The following IQCM variants were observed in gnomAD, a reference collection of about 807,000 sequenced individuals.
IQCM encodes IQ motif containing M.
In IQCM, 45 loss-of-function variants were observed where a neutral mutation model predicts 57.6. That is an observed-to-expected ratio of 0.78 (90% CI 0.62 to 1.00). IQCM has a LOEUF of 1.00. Among genes scored for constraint, IQCM ranks in the 50% least tolerant of loss-of-function variants. The pLI, the probability that IQCM is intolerant of heterozygous loss-of-function variation, is 0.00. For synonymous variants in IQCM, 148 were observed against 158.9 expected, an observed-to-expected ratio of 0.93 and a Z score of 0.51; for missense variants, 468 against 511.6, an observed-to-expected ratio of 0.91 and a Z score of 0.82.
chr4:149,384,946 C>A (rs1213471576), intron 13 of IQCM, among the ~76,000 whole-genome samples: 1 of 151,880 alleles, frequency 6.6e-6, no homozygotes, highest in African/African-American at 2.4e-5. Context: ...GATTTAGCTT[C>A]TTTACTTTAA....
Position 149,697,421 on chromosome 4 carries a change from TA to T in IQCM, c.386-10954del, listed in dbSNP as rs561140913. On this transcript the variant is annotated intron_variant, in intron 5 of 13. Coordinates refer to ENST00000636793, the MANE Select transcript of IQCM (RefSeq NM_001363507.2). ...TAAAAAAATAAAGTCATTTCAGAGT[TA>T]AAAAAAAAGAGTTGATTGTTAATTA... Among the ~76,000 whole-genome samples, 384 of 151,162 alleles carry T rather than the reference TA, an allele frequency of 2.5e-3. 4 individuals carry two copies. Among genetic ancestry groups the T allele is most frequent in the Non-Finnish European group, 1.1e-3 (72 of 67,672 alleles).
At chr4:149,381,661 A>C (rs1731085523) in intron 13 of IQCM, among the ~76,000 whole-genome samples, 1 of 152,096 alleles carries the variant, frequency 6.6e-6, no homozygotes, top group Admixed American at 6.6e-5. Context: ...CATTGCATTT[A>C]AACTAAAGTA....
chr4:149,442,528 T>C (rs1736047765), intron 12 of IQCM, among the ~76,000 whole-genome samples: 1 of 152,114 alleles, frequency 6.6e-6, no homozygotes, highest in East Asian at 1.9e-4. Flanking sequence ...CCTATGTAAC[T>C]GCAGGACATT....
Position 149,621,311 on chromosome 4 carries a change from C to T in IQCM, c.566-67G>A, listed in dbSNP as rs560579931. 91 of 651,822 alleles carry T rather than the reference C, an allele frequency of 1.4e-4. No homozygotes were observed. The African/African-American group carries it at 1.6e-3, about 12-fold the overall frequency. 40.4% of individuals were successfully genotyped at this position (651,822 alleles called of 1,614,324 possible). ...GGAAAAGTACACACTGATTATATTG[C>T]TTAATGTTGCAAAGAGTAAAGCAAA... On this transcript the variant is annotated intron_variant, in intron 7 of 13. Transcript: ENST00000636793.
At chr4:149,811,051 C>T (rs191007371) in intron 2 of IQCM, among the ~76,000 whole-genome samples, 78 of 152,210 alleles carry the variant, frequency 5.1e-4, no homozygotes, top group Non-Finnish European at 9.7e-4. Context: ...AGATACTGTT[C>T]TATAAGAAGA....
chr4:149,642,794 CACAA>C (rs1281308694), intron 7 of IQCM, among the ~76,000 whole-genome samples: 2 of 152,122 alleles, frequency 1.3e-5, no homozygotes, highest in Non-Finnish European at 2.9e-5. Context: ...TATTTAGGGA[CACAA>C]ACAAGTCTAC....
chr4:149,544,958 G>A (rs1748236265), intron 12 of IQCM, among the ~76,000 whole-genome samples: 1 of 152,024 alleles, frequency 6.6e-6, no homozygotes, highest in African/African-American at 2.4e-5. Flanking sequence ...GAAAACAGGG[G>A]AAAAACACTG....
At chr4:149,518,615 G>A (rs1307651152) in intron 12 of IQCM, among the ~76,000 whole-genome samples, 1 of 152,162 alleles carries the variant, frequency 6.6e-6, no homozygotes, top group Non-Finnish European at 1.5e-5. Context: ...AAGAAAGTCA[G>A]AGATATTGTG....
At chr4:149,642,361 G>C (rs969103449) in intron 7 of IQCM, among the ~76,000 whole-genome samples, 1 of 152,088 alleles carries the variant, frequency 6.6e-6, no homozygotes, top group African/African-American at 2.4e-5. Flanking sequence ...TGATAAAAAT[G>C]AGAGGTCGTA....
intron 13 of IQCM, among the ~76,000 whole-genome samples, chr4:149,371,389 G>A (rs1730359711): frequency 6.6e-6 from 1 of 152,164 alleles, no homozygotes; most frequent in Non-Finnish European, 1.5e-5. Flanking sequence ...GGCTGGCTCT[G>A]AGTGTCCTCT....
At chr4:149,471,488 C>T (rs985665938) in intron 12 of IQCM, among the ~76,000 whole-genome samples, 1 of 152,050 alleles carries the variant, frequency 6.6e-6, no homozygotes, top group African/African-American at 2.4e-5. Flanking sequence ...AGCCTAGCAA[C>T]TAAAAAAAGT....
intron 9 of IQCM, among the ~76,000 whole-genome samples, chr4:149,568,005 T>C (rs1300246559): frequency 1.3e-5 from 2 of 152,274 alleles, no homozygotes; most frequent in East Asian, 3.9e-4. Context: ...TCTACTTGCT[T>C]TGCCTACACC....
At chr4:149,579,283 A>T (rs545497664) in intron 9 of IQCM, among the ~76,000 whole-genome samples, 8 of 151,898 alleles carry the variant, frequency 5.3e-5, no homozygotes, top group African/African-American at 1.9e-4. Context: ...CATGCTTATG[A>T]GTGAGGAAGT....
rs957567749 is a variant in IQCM, at chr4:149,735,380, T to C, written c.116A>G (p.Asn39Ser). 17 of 1,225,712 alleles carry C rather than the reference T, an allele frequency of 1.4e-5. No homozygotes were observed. Among genetic ancestry groups the C allele is most frequent in the Admixed American group, 4.2e-5 (1 of 23,672 alleles). The allele number at this position is 1,225,712 out of a possible 1,614,324, so 75.9% of individuals were successfully genotyped here. A position where few individuals can be genotyped will look rare whatever the true frequency, so the allele number is the denominator to read the frequency against. Residue 39 changes from asparagine (N) to serine (S), a missense_variant, in exon 4 of 14, where the codon AAT becomes AGT. Coordinates refer to ENST00000636793, the MANE Select transcript of IQCM (RefSeq NM_001363507.2). Reference sequence around the variant, plus strand: ...AGATAAATGCAAAGGACTAACCTCATTTATTTTCTCATAATGTTGGGCAAT... The same window carrying C: ...AGATAAATGCAAAGGACTAACCTCACTTATTTTCTCATAATGTTGGGCAAT... ...TLIAQHYEKI[N>S]ENKVQGTSIN... is the part of the protein sequence containing the mutation.
Position 149,696,920 on chromosome 4 carries a change from T to C in IQCM, c.386-10452A>G, listed in dbSNP as rs1354737699. The stretch of plus-strand genomic sequence containing the variant: ...AATTTAGTGAAGCAAGAAAATATAC[T>C]CCAAACCAAGGTGGAGGAGGAAAGG... On this transcript the variant is annotated intron_variant, in intron 5 of 13. Coordinates refer to ENST00000636793, the MANE Select transcript of IQCM (RefSeq NM_001363507.2). Among the ~76,000 whole-genome samples, 4 of 152,060 alleles carry C rather than the reference T, an allele frequency of 2.6e-5. No homozygotes were observed. The East Asian group carries it at 7.7e-4, about 29-fold the overall frequency.
intron 8 of IQCM, among the ~76,000 whole-genome samples, chr4:149,617,118 G>T (rs577059471): frequency 6.6e-6 from 1 of 152,050 alleles, no homozygotes; most frequent in South Asian, 2.1e-4. Context: ...ACCACTCCTG[G>T]CTAATTTTGT....
intron 2 of IQCM, among the ~76,000 whole-genome samples, chr4:149,794,187 T>C (rs762280462): frequency 5.1e-4 from 77 of 152,226 alleles, no homozygotes; most frequent in Non-Finnish European, 8.4e-4. Flanking sequence ...AGGAGTAGAT[T>C]GTAGGGCAGT....
intron 12 of IQCM, among the ~76,000 whole-genome samples, chr4:149,471,775 G>A (rs559258066): frequency 1.3e-5 from 2 of 152,216 alleles, no homozygotes; most frequent in African/African-American, 4.8e-5. Context: ...TATCCACCAC[G>A]ATCAAGTTGG....
At chr4:149,363,571 T>C (rs1485939532) in intron 13 of IQCM, among the ~76,000 whole-genome samples, 1 of 152,152 alleles carries the variant, frequency 6.6e-6, no homozygotes, top group African/African-American at 2.4e-5. Context: ...ACATTTGCTT[T>C]CCAACCCTCA....
Sources: gnomAD v4.1 joint callset for allele counts (sites outside exome capture counted in the v4.1 genomes callset) on GRCh38, gnomAD v4.1.1 for gene constraint, MANE v1.5 for transcripts, NCBI Gene and HGNC (gene_info 2026-07-23, HGNC 2026-07-21) for gene names.